Variants in DGKI observed in about 807,000 individuals in gnomAD.
DGKI encodes the protein DAG kinase iota.
Under a neutral mutation model 147.5 loss-of-function variants are expected in DGKI, and 55 were observed. That is an observed-to-expected ratio of 0.37 (90% confidence interval 0.30 to 0.47). DGKI has a LOEUF of 0.47. Among genes scored for constraint, DGKI ranks in the 20% least tolerant of loss-of-function variants. The pLI, the probability that DGKI is intolerant of heterozygous loss-of-function variation, is 1.00. For synonymous variants in DGKI, 469 were observed against 477.1 expected, an observed-to-expected ratio of 0.98 and a Z score of 0.22; for missense variants, 1,007 against 1,323.8, an observed-to-expected ratio of 0.76 and a Z score of 3.71.
At chr7:137,405,007 G>A (rs913021583) in intron 30 of DGKI, among the ~76,000 whole-genome samples, 45 of 152,076 alleles carry the variant, frequency 3.0e-4, no homozygotes, top group African/African-American at 1.0e-3. Context: ...TGGATGAACG[G>A]TGCTTTTAAA....
intron 28 of DGKI, among the ~76,000 whole-genome samples, chr7:137,438,283 T>C (rs897766519): frequency 1.1e-4 from 17 of 152,010 alleles, no homozygotes; most frequent in African/African-American, 4.1e-4. Context: ...AAAAGACCTT[T>C]CATAGAAGAG....
chr7:137,758,069 C>G (rs1056900791), intron 1 of DGKI, among the ~76,000 whole-genome samples: 1 of 152,126 alleles, frequency 6.6e-6, no homozygotes, highest in Admixed American at 6.5e-5. Context: ...TGCAAAAGAA[C>G]CTTCTTTTTC....
chr7:137,816,694 TA>T (rs1412669992), intron 1 of DGKI, among the ~76,000 whole-genome samples: 15 of 152,128 alleles, frequency 9.9e-5, no homozygotes, highest in Non-Finnish European at 1.8e-4. Context: ...TCAAAAGGTA[TA>T]AAGACAAAAA....
intron 27 of DGKI, among the ~76,000 whole-genome samples, chr7:137,450,666 G>A (rs1253419533): frequency 2.0e-5 from 3 of 152,088 alleles, no homozygotes; most frequent in Non-Finnish European, 4.4e-5. Context: ...AGGTTGCAGT[G>A]AGCCAAGATT....
chr7:137,488,988 T>C (rs1348986726), intron 21 of DGKI, among the ~76,000 whole-genome samples: 1 of 152,010 alleles, frequency 6.6e-6, no homozygotes, highest in Non-Finnish European at 1.5e-5. Flanking sequence ...GCTAGAGGAG[T>C]AAAGGTGGTC....
chr7:137,822,063 C>G (rs1196810630), intron 1 of DGKI, among the ~76,000 whole-genome samples: 1 of 152,272 alleles, frequency 6.6e-6, no homozygotes, highest in Middle Eastern at 3.4e-3. Flanking sequence ...GTGAGACCCT[C>G]TACTAAAAGC....
intron 28 of DGKI, among the ~76,000 whole-genome samples, chr7:137,419,580 G>C (rs1280553003): frequency 6.6e-6 from 1 of 152,180 alleles, no homozygotes; most frequent in East Asian, 1.9e-4. Context: ...ACACAGCAAA[G>C]GTAATCTAAC....
intron 21 of DGKI, chr7:137,493,927 A>C (rs1815865908): frequency 1.7e-6 from 1 of 595,066 alleles, no homozygotes; most frequent in Admixed American, 3.0e-5. Context: ...AAAATTCTAA[A>C]GAATACAATA....
intron 21 of DGKI, among the ~76,000 whole-genome samples, chr7:137,520,972 G>C (rs1358447): frequency 6.6e-6 from 1 of 151,972 alleles, no homozygotes; most frequent in Non-Finnish European, 1.5e-5. Flanking sequence ...GACTGGGTTC[G>C]TAAGTCTTTG....
chr7:137,472,494 C>T lies in DGKI; in HGVS notation c.2374-2875G>A, dbSNP rs200256234. On this transcript the variant is annotated intron_variant, in intron 23 of 32. Transcript: ENST00000614521. ...TATATACATATATATTATATATACA[C>T]GTGTATATATTTCCTCTTTTTTGAA... Among the ~76,000 whole-genome samples, 9 of 142,056 alleles carry T rather than the reference C, an allele frequency of 6.3e-5. No individual in the cohort carries two copies. In the South Asian group the frequency reaches 8.7e-4, roughly 14 times the overall value. 93.2% of individuals were successfully genotyped at this position (142,056 alleles called of 152,430 possible). A position where few individuals can be genotyped will look rare whatever the true frequency, so the allele number is the denominator to read the frequency against.
intron 26 of DGKI, among the ~76,000 whole-genome samples, chr7:137,465,356 C>T (rs1474714974): frequency 6.6e-6 from 1 of 152,050 alleles, no homozygotes; most frequent in African/African-American, 2.4e-5. Flanking sequence ...CTTTTAATCG[C>T]CAAACAATTC....
At chr7:137,842,050 T>C (rs1393858017) in intron 1 of DGKI, among the ~76,000 whole-genome samples, 1 of 152,182 alleles carries the variant, frequency 6.6e-6, no homozygotes, top group Non-Finnish European at 1.5e-5. Context: ...TAACAGTCAG[T>C]ATGTAAGTCA....
intron 32 of DGKI, among the ~76,000 whole-genome samples, chr7:137,393,173 A>C (rs1246581277): frequency 6.6e-6 from 1 of 152,104 alleles, no homozygotes; most frequent in Non-Finnish European, 1.5e-5. Context: ...ATCTTCCTAC[A>C]TTACTAGTTT....
At chr7:137,658,172 G>C (rs867046141) in intron 3 of DGKI, among the ~76,000 whole-genome samples, 24 of 152,108 alleles carry the variant, frequency 1.6e-4, no homozygotes, top group African/African-American at 5.8e-4. Context: ...AAGAAAAGAA[G>C]AAGAGAAAAA....
chr7:137,676,686 AC>A (rs1823050013), intron 3 of DGKI, among the ~76,000 whole-genome samples: 2 of 152,350 alleles, frequency 1.3e-5, no homozygotes, highest in East Asian at 3.9e-4. Flanking sequence ...GAAACTGGGA[AC>A]GTTCTCAACT....
chr7:137,810,959 G>T (rs777736005), intron 1 of DGKI, among the ~76,000 whole-genome samples: 3 of 152,134 alleles, frequency 2.0e-5, no homozygotes, highest in Non-Finnish European at 4.4e-5. Context: ...ATCTTATGTA[G>T]TACATTCTAC....
At chr7:137,711,907 T>C (rs1159351594) in intron 1 of DGKI, among the ~76,000 whole-genome samples, 1 of 151,774 alleles carries the variant, frequency 6.6e-6, no homozygotes, top group Non-Finnish European at 1.5e-5. Flanking sequence ...TTGGCCAGGA[T>C]GGTCTCAATC....
chr7:137,512,416 G>T (rs372269773), intron 21 of DGKI, among the ~76,000 whole-genome samples: 2 of 152,272 alleles, frequency 1.3e-5, no homozygotes, highest in East Asian at 1.9e-4. Flanking sequence ...TTAGCAAGAT[G>T]AATGAAAGTA....
At chr7:137,839,618 G>A (rs1334393144) in intron 1 of DGKI, among the ~76,000 whole-genome samples, 1 of 152,194 alleles carries the variant, frequency 6.6e-6, no homozygotes, top group African/African-American at 2.4e-5. Flanking sequence ...AGCAGGCAGA[G>A]GTGGCGCTTT....
Sources: gnomAD v4.1 joint callset for allele counts (sites outside exome capture counted in the v4.1 genomes callset) on GRCh38, gnomAD v4.1.1 for gene constraint, MANE v1.5 for transcripts, NCBI Gene and HGNC (gene_info 2026-07-23, HGNC 2026-07-21) for gene names.